ARFGEF1: variants seen among roughly 807,000 people sequenced by gnomAD.
ARFGEF1 encodes brefeldin A-inhibited guanine nucleotide-exchange protein 1.
Under a neutral mutation model 231.0 loss-of-function variants are expected in ARFGEF1, and 42 were observed. The ratio of observed to expected loss-of-function variants is 0.18; its 90% CI spans 0.14 to 0.24. ARFGEF1 has a LOEUF of 0.24. Ranked by LOEUF, ARFGEF1 falls within the 10% of genes least tolerant of loss-of-function variation. The pLI, the probability that ARFGEF1 is intolerant of heterozygous loss-of-function variation, is 1.00. For synonymous variants in ARFGEF1, 710 were observed against 732.3 expected (o/e 0.97, Z 0.49); for missense variants, 1,345 against 2,192.0 (o/e 0.61, Z 7.72).
intron 38 of ARFGEF1, 46 bp downstream of exon 38, chr8:67,200,350 G>A (rs371923955): frequency 2.6e-5 from 36 of 1,385,088 alleles, no homozygotes; most frequent in Middle Eastern, 1.8e-4. Flanking sequence ...ATCCCAATGC[G>A]AATTGGGCTA....
At chr8:67,280,372 T>A (rs1225271483) in intron 7 of ARFGEF1, among the ~76,000 whole-genome samples, 1 of 152,162 alleles carries the variant, frequency 6.6e-6, no homozygotes, top group African/African-American at 2.4e-5. Flanking sequence ...TCTCCTAACA[T>A]AACAAGTAGG....
intron 7 of ARFGEF1, among the ~76,000 whole-genome samples, chr8:67,285,343 C>T (rs188491072): frequency 6.6e-6 from 1 of 152,018 alleles, no homozygotes; most frequent in Admixed American, 6.6e-5. Context: ...AAGCAAGACC[C>T]CATCTCTACA....
At chr8:67,291,284 GTT>G in intron 6 of ARFGEF1, among the ~76,000 whole-genome samples, 1 of 151,826 alleles carries the variant, frequency 6.6e-6, no homozygotes, top group Non-Finnish European at 1.5e-5. Flanking sequence ...TCTTATAAGC[GTT>G]TTCTTATAAT....
At chr8:67,269,246 A>C (rs1432182728) in intron 10 of ARFGEF1, among the ~76,000 whole-genome samples, 1 of 152,150 alleles carries the variant, frequency 6.6e-6, no homozygotes, top group South Asian at 2.1e-4. Flanking sequence ...ACATCACAGA[A>C]ACTCTGAAGT....
chr8:67,234,058 T>C (rs1034012644), intron 22 of ARFGEF1, among the ~76,000 whole-genome samples: 2 of 152,140 alleles, frequency 1.3e-5, no homozygotes, highest in African/African-American at 4.8e-5. Context: ...TTTTTGTACT[T>C]TCCTACCTTA....
chr8:67,281,695 A>C (rs1033847878), intron 7 of ARFGEF1, among the ~76,000 whole-genome samples: 8 of 152,112 alleles, frequency 5.3e-5, no homozygotes, highest in Non-Finnish European at 7.4e-5. Flanking sequence ...AAAATAGCCA[A>C]ATGAAAAACT....
At chr8:67,282,799 G>C (rs1805590016) in intron 7 of ARFGEF1, among the ~76,000 whole-genome samples, 1 of 148,918 alleles carries the variant, frequency 6.7e-6, no homozygotes, top group Non-Finnish European at 1.5e-5. Flanking sequence ...AGTGAGCCAA[G>C]ATCTTGCCAC....
intron 19 of ARFGEF1, among the ~76,000 whole-genome samples, chr8:67,246,446 CAAG>C (rs1049381677): frequency 6.7e-6 from 1 of 150,120 alleles, no homozygotes; most frequent in African/African-American, 2.5e-5. Context: ...AAATCAGTAA[CAAG>C]AATAATTTTA....
chr8:67,338,435 A>C (rs1320449394), intron 1 of ARFGEF1, among the ~76,000 whole-genome samples: 2 of 152,250 alleles, frequency 1.3e-5, no homozygotes, highest in Non-Finnish European at 2.9e-5. Flanking sequence ...ACATAAATTC[A>C]GGAAGAACTT....
chr8:67,193,529 T>C (rs781075610), downstream of ARFGEF1: 36 of 1,613,100 alleles, frequency 2.2e-5, no homozygotes, highest in South Asian at 3.8e-4. Context: ...GTGTAAATGT[T>C]GATGAGCTTA....
At chr8:67,311,946 C>CT (rs1240134826) in intron 1 of ARFGEF1, among the ~76,000 whole-genome samples, 5 of 152,124 alleles carry the variant, frequency 3.3e-5, no homozygotes, top group Non-Finnish European at 7.4e-5. Flanking sequence ...ACCCCCAACC[C>CT]TGTGCTCTCT....
chr8:67,253,664 A>C (rs1206734612), intron 17 of ARFGEF1, 42 bp from the exon 18 acceptor site: 6 of 1,126,224 alleles, frequency 5.3e-6, no homozygotes, highest in Admixed American at 6.0e-5. Context: ...AATTAACATA[A>C]AGGTTACACT....
intron 23 of ARFGEF1, among the ~76,000 whole-genome samples, chr8:67,232,626 T>C (rs919437073): frequency 2.6e-5 from 4 of 152,042 alleles, no homozygotes; most frequent in African/African-American, 9.7e-5. Flanking sequence ...TGCCCATTAG[T>C]ATCTATTGTA....
Position 67,311,542 on chromosome 8 carries a change from C to A in ARFGEF1, c.125-9076G>T, listed in dbSNP as rs578173109. The stretch of plus-strand genomic sequence containing the variant: ...GGGGGTCAGCCCCCTGCCTGGCCAG[C>A]CGCCCAGTCTGGGAGGGAGATGGGG... On this transcript the variant is annotated intron_variant, in intron 1 of 38. Coordinates refer to ENST00000262215, the MANE Select transcript of ARFGEF1 (RefSeq NM_006421.5). 2.7e-3 allele frequency among the ~76,000 whole-genome samples: 400 copies of A among 146,416 alleles called. 17 individuals carry two copies. Among genetic ancestry groups the A allele is most frequent in the African/African-American group, 9.7e-3 (383 of 39,688 alleles).
chr8:67,321,001 C>T (rs1807564466), intron 1 of ARFGEF1, among the ~76,000 whole-genome samples: 1 of 151,930 alleles, frequency 6.6e-6, no homozygotes, highest in Admixed American at 6.6e-5. Flanking sequence ...CTAATACATA[C>T]AACAACTTGG....
intron 29 of ARFGEF1, among the ~76,000 whole-genome samples, chr8:67,222,202 TATAC>T (rs1225826414): frequency 8.2e-5 from 11 of 134,324 alleles, no homozygotes; most frequent in African/African-American, 3.0e-4. Context: ...TATATATATA[TATAC>T]ACACACATAT....
intron 3 of ARFGEF1, 65 bp downstream of exon 3, chr8:67,301,159 G>A (rs1057457033): frequency 7.2e-6 from 10 of 1,390,980 alleles, no homozygotes; most frequent in African/African-American, 5.8e-5. Flanking sequence ...AATCATCAAT[G>A]TGAGTAATGT....
intron 7 of ARFGEF1, among the ~76,000 whole-genome samples, chr8:67,283,857 G>A (rs1442215612): frequency 6.6e-6 from 1 of 152,112 alleles, no homozygotes; most frequent in Non-Finnish European, 1.5e-5. Flanking sequence ...GGAGAGAAAG[G>A]CACTCTCATA....
rs557237278 is a variant in ARFGEF1 at position 67,203,955 on chromosome 8, C to G, written c.4960-704G>C. Among the ~76,000 whole-genome samples the G allele has an allele frequency of 9.2e-5, 14 of 152,312 alleles. No homozygotes were observed. The East Asian group carries it at 2.1e-3, about 23-fold the overall frequency. ...TCCCACTCTGTATGAGGTACTATCT[C>G]CACTCACTCAAAAACATGGCCCTAG... On this transcript the variant is annotated intron_variant, in intron 35 of 38. Transcript: ENST00000262215.
Sources: allele counts gnomAD v4.1 joint callset (sites outside exome capture counted in the v4.1 genomes callset), GRCh38; gene constraint gnomAD v4.1.1; transcripts MANE v1.5; gene names NCBI Gene and HGNC (gene_info 2026-07-23, HGNC 2026-07-21).